The following CLEC12A variants were observed in gnomAD, a reference collection of about 807,000 sequenced individuals.
CLEC12A encodes C-type lectin domain family 12 member A.
In CLEC12A, 22 loss-of-function variants were observed where a neutral mutation model predicts 26.5. That is an observed-to-expected ratio of 0.83 (90% CI 0.59 to 1.19). CLEC12A has a LOEUF of 1.19. CLEC12A is among the 50% of genes most tolerant of loss of function. The pLI is 0.00. For synonymous variants in CLEC12A, 119 were observed against 101.9 expected (o/e 1.17, Z -1.01); for missense variants, 353 against 315.6 (o/e 1.12, Z -0.90).
downstream of CLEC12A, chr12:9,998,197 G>T: frequency 2.0e-6 from 2 of 991,458 alleles, no homozygotes; most frequent in South Asian, 2.6e-5. Context: ...GACAAATAGC[G>T]ACCATTGAGA....
chr12:10,000,124 A>T (rs1865139796), downstream of CLEC12A, among the ~76,000 whole-genome samples: 1 of 152,224 alleles, frequency 6.6e-6, no homozygotes, highest in Non-Finnish European at 1.5e-5. Flanking sequence ...TTTTTGTTAA[A>T]TCACCATGAC....
At chr12:9,997,531 C>T (rs1054205468), downstream of CLEC12A, among the ~76,000 whole-genome samples, 18 of 152,120 alleles carry the variant, frequency 1.2e-4, no homozygotes, top group Admixed American at 9.2e-4. Context: ...ATCCCAACAT[C>T]GATAACATCC....
At chr12:9,980,799 A>G (rs1864527733) in intron 4 of CLEC12A, 66 bp downstream of exon 4, 1 of 1,518,600 alleles carries the variant, frequency 6.6e-7, no homozygotes, top group African/African-American at 1.4e-5. Flanking sequence ...GAAGACTTCA[A>G]TCAACCCACT....
exon 5 of CLEC12A, chr12:9,995,170 C>T (rs968038935): frequency 6.2e-7 from 1 of 1,613,080 alleles, no homozygotes. Context: ...GCCATCCTCC[C>T]ACTTCCAGAC....
chr12:9,979,503 G>T lies in CLEC12A; in HGVS notation c.358G>T (p.Glu120Ter), dbSNP rs1224081272. ...AACAATAGCCACCAAATTATGTCGTGAGCTATATAGCAAAGAACAAGGTAA... is the reference window on the plus strand; with the variant it reads ...AACAATAGCCACCAAATTATGTCGTTAGCTATATAGCAAAGAACAAGGTAA... Reference protein sequence around the residue: ...LQTIATKLCRELYSKEQEHKC... With the variant: ...LQTIATKLCR The change falls in exon 3 of 6, where the codon GAG becomes TAG. Residue 120 changes from glutamate to a stop codon, truncating the protein, a stop_gained. Transcript: ENST00000304361. LOFTEE classifies it high-confidence loss of function. The T allele has an allele frequency of 6.2e-7, 1 of 1,611,996 alleles. No individual in the cohort carries two copies. The highest frequency in any genetic ancestry group is 8.5e-7 in the Non-Finnish European group (1 of 1,179,128).
intron 5 of CLEC12A, chr12:9,983,423 T>C: frequency 4.6e-6 from 3 of 647,428 alleles, no homozygotes; most frequent in Admixed American, 4.9e-5. Context: ...TTTAAGTGGA[T>C]TTATACGTTG....
At chr12:9,955,446 C>A (rs73251714) in intron 1 of CLEC12A, among the ~76,000 whole-genome samples, 5,200 of 152,156 alleles carry the variant, frequency 0.034, 284 homozygotes, top group African/African-American at 0.12. Flanking sequence ...AAATGGTTAA[C>A]AAGGAAATAA....
chr12:9,990,741 T>G (rs916942335), intron 4 of CLEC12A, among the ~76,000 whole-genome samples: 9 of 152,186 alleles, frequency 5.9e-5, no homozygotes, highest in African/African-American at 2.2e-4. Flanking sequence ...AAATGCTATT[T>G]AACAGCATCG....
chr12:9,965,804 G>A (rs1487735450), intron 1 of CLEC12A, among the ~76,000 whole-genome samples: 1 of 152,098 alleles, frequency 6.6e-6, no homozygotes, highest in African/African-American at 2.4e-5. Flanking sequence ...AAAGCGTGCT[G>A]TGGGATAGGA....
At chr12:9,964,114 C>CG (rs1863885983) in intron 1 of CLEC12A, among the ~76,000 whole-genome samples, 1 of 152,038 alleles carries the variant, frequency 6.6e-6, no homozygotes, top group South Asian at 2.1e-4. Context: ...GAGGTAAATA[C>CG]GGGGGGAGTA....
At chr12:9,971,313 T>C, upstream of CLEC12A, 1 of 735,358 alleles carries the variant, frequency 1.4e-6, no homozygotes, top group Non-Finnish European at 1.7e-6. Context: ...AGTTGGTAAA[T>C]ATATAGAAAT....
chr12:9,987,757 T>C (rs1005962988), downstream of CLEC12A, among the ~76,000 whole-genome samples: 12 of 152,096 alleles, frequency 7.9e-5, no homozygotes, highest in African/African-American at 2.9e-4. Context: ...TGTTTTTTTG[T>C]TTTGTTTTGT....
intron 1 of CLEC12A, among the ~76,000 whole-genome samples, chr12:9,974,994 A>T (rs1423817403): frequency 6.6e-6 from 1 of 152,142 alleles, no homozygotes; most frequent in Non-Finnish European, 1.5e-5. Flanking sequence ...TTTTATAAAG[A>T]GGAGTTTTCC....
chr12:9,986,031 A>C (rs896104233), downstream of CLEC12A: 3 of 344,604 alleles, frequency 8.7e-6, no homozygotes, highest in African/African-American at 6.5e-5. Context: ...CTGGGCCTAG[A>C]GGGAAGGGGG....
At chr12:9,978,569 GC>G (rs1250586999) in intron 1 of CLEC12A, among the ~76,000 whole-genome samples, 2 of 152,064 alleles carry the variant, frequency 1.3e-5, no homozygotes, top group Admixed American at 1.3e-4. Flanking sequence ...GTCTACTCAA[GC>G]AAAGACTTCT....
At chr12:9,994,262 T>C (rs1417123210) in intron 4 of CLEC12A, among the ~76,000 whole-genome samples, 1 of 152,006 alleles carries the variant, frequency 6.6e-6, no homozygotes, top group Non-Finnish European at 1.5e-5. Flanking sequence ...TGGAAGAATG[T>C]AAAGAACACT....
chr12:9,956,270 C>A (rs1424053135), intron 1 of CLEC12A, among the ~76,000 whole-genome samples: 2 of 152,174 alleles, frequency 1.3e-5, no homozygotes, highest in Non-Finnish European at 2.9e-5. Flanking sequence ...TTTGAATTAA[C>A]CTTTAGATAA....
chr12:9,961,164 G>A (rs1423527900), intron 1 of CLEC12A, among the ~76,000 whole-genome samples: 1 of 152,210 alleles, frequency 6.6e-6, no homozygotes, highest in Non-Finnish European at 1.5e-5. Flanking sequence ...TGTGGTAAGA[G>A]GTTGTAGAGA....
chr12:9,986,346 A>AG (rs763452703), downstream of CLEC12A, among the ~76,000 whole-genome samples: 1 of 25,890 alleles, frequency 3.9e-5, no homozygotes, highest in African/African-American at 1.7e-4. Flanking sequence ...TCTCCACTGA[A>AG]AAAAAAAAAA....
Sources: allele counts gnomAD v4.1 joint callset (sites outside exome capture counted in the v4.1 genomes callset), GRCh38; gene constraint gnomAD v4.1.1; transcripts MANE v1.5; gene names NCBI Gene and HGNC (gene_info 2026-07-23, HGNC 2026-07-21).